Variants in MOSMO observed in about 807,000 individuals in gnomAD.
The protein encoded by MOSMO is modulator of smoothened protein.
A neutral mutation model predicts 18.4 loss-of-function variants in MOSMO; 5 were observed. That is an observed-to-expected ratio of 0.27 (90% CI 0.14 to 0.57). MOSMO has a LOEUF of 0.57. Among genes scored for constraint, MOSMO ranks in the 20% least tolerant of loss-of-function variants. MOSMO has a pLI of 0.92. For synonymous variants in MOSMO, 82 were observed against 82.3 expected (o/e 1.00, Z 0.02); for missense variants, 138 against 211.8 (o/e 0.65, Z 2.16).
At chr16:22,068,808 T>C (rs1038811770) in intron 1 of MOSMO, among the ~76,000 whole-genome samples, 4 of 152,238 alleles carry the variant, frequency 2.6e-5, no homozygotes, top group Non-Finnish European at 4.4e-5. Flanking sequence ...CTATTATGAA[T>C]AATACTGCTA....
chr16:22,030,970 G>A (rs1448111182), intron 1 of MOSMO, among the ~76,000 whole-genome samples: 1 of 152,204 alleles, frequency 6.6e-6, no homozygotes, highest in African/African-American at 2.4e-5. Flanking sequence ...ATAAGACCCA[G>A]TTTTAGTGGG....
chr16:22,065,784 G>A (rs946939690), intron 1 of MOSMO, among the ~76,000 whole-genome samples: 15 of 152,086 alleles, frequency 9.9e-5, no homozygotes, highest in Non-Finnish European at 2.1e-4. Context: ...AAGATTAACT[G>A]ACTTGCCCAA....
chr16:22,060,052 C>G (rs780551773), intron 1 of MOSMO, among the ~76,000 whole-genome samples: 2 of 152,194 alleles, frequency 1.3e-5, no homozygotes, highest in Non-Finnish European at 2.9e-5. Context: ...TGGCACATGT[C>G]TGTGGTCCCA....
intron 1 of MOSMO, among the ~76,000 whole-genome samples, chr16:22,032,056 TGAA>T (rs1900004359): frequency 6.6e-6 from 1 of 152,202 alleles, no homozygotes; most frequent in Non-Finnish European, 1.5e-5. Context: ...CTGTTGGGTA[TGAA>T]GTAGTTTCTC....
chr16:22,059,765 C>T (rs1362398315), intron 1 of MOSMO, among the ~76,000 whole-genome samples: 1 of 152,064 alleles, frequency 6.6e-6, no homozygotes, highest in Non-Finnish European at 1.5e-5. Context: ...TCTCTTTCAA[C>T]ATGTGGGGAT....
chr16:22,029,704 C>G (rs1899954864), intron 1 of MOSMO, among the ~76,000 whole-genome samples: 1 of 152,200 alleles, frequency 6.6e-6, no homozygotes, highest in African/African-American at 2.4e-5. Flanking sequence ...TAGCTCACCA[C>G]AGCCTTGACG....
At chr16:22,084,751 G>GT (rs927171804), downstream of MOSMO, 2 of 152,078 alleles carry the variant, frequency 1.3e-5, no homozygotes, top group South Asian at 2.1e-4. Context: ...TCTTGGGTTG[G>GT]TTTTTTGTTG....
chr16:22,016,419 T>G (rs1312400313), intron 1 of MOSMO, among the ~76,000 whole-genome samples: 1 of 152,230 alleles, frequency 6.6e-6, no homozygotes, highest in Non-Finnish European at 1.5e-5. Flanking sequence ...ATTTATTTAC[T>G]TATACCTGCC....
Position 22,081,679 on chromosome 16 carries a change from G to T in MOSMO, c.*799G>T, listed in dbSNP as rs1313116336. ...ATTTATATACACACACATGCAAACA[G>T]TTCCTGGAAGAGAATTCTGAATGCT... is the stretch of plus-strand genomic sequence containing the variant. On this transcript the variant is annotated 3_prime_UTR_variant, in exon 3 of 3. Coordinates refer to ENST00000542527, the MANE Select transcript of MOSMO (RefSeq NM_001164579.2). The T allele has an allele frequency of 2.0e-5, 3 of 151,002 alleles. No homozygotes were observed. Among genetic ancestry groups the T allele is most frequent in the Non-Finnish European group, 1.5e-5 (1 of 67,872 alleles). The allele number at this position is 151,002 out of a possible 1,614,324, so 9.4% of individuals were successfully genotyped here.
chr16:22,080,358 T>A (rs1463640984), intron 2 of MOSMO, among the ~76,000 whole-genome samples: 2 of 152,190 alleles, frequency 1.3e-5, no homozygotes, highest in Non-Finnish European at 2.9e-5. Context: ...AGAGCTGGAA[T>A]TGAGCCCCTA....
chr16:22,025,501 G>C (rs958245321), intron 1 of MOSMO, among the ~76,000 whole-genome samples: 2 of 152,154 alleles, frequency 1.3e-5, no homozygotes, highest in Non-Finnish European at 2.9e-5. Context: ...CTACTGTAAA[G>C]AAGAGTAGTC....
intron 2 of MOSMO, among the ~76,000 whole-genome samples, chr16:22,079,667 CCAGA>C (rs1313797211): frequency 6.6e-6 from 1 of 152,140 alleles, no homozygotes; most frequent in African/African-American, 2.4e-5. Context: ...TATTCAGAAA[CCAGA>C]CAGAGATTTT....
At chr16:22,010,761 A>G (rs1899508117) in intron 1 of MOSMO, among the ~76,000 whole-genome samples, 1 of 151,760 alleles carries the variant, frequency 6.6e-6, no homozygotes, top group African/African-American at 2.4e-5. Flanking sequence ...TCTACTAAAA[A>G]TACAAAGAAG....
At chr16:22,026,511 G>A (rs1156278948) in intron 1 of MOSMO, among the ~76,000 whole-genome samples, 2 of 152,080 alleles carry the variant, frequency 1.3e-5, no homozygotes, top group Admixed American at 6.6e-5. Context: ...GAGCCACCGC[G>A]CCCAGCCTGA....
chr16:22,029,167 G>T (rs564819158), intron 1 of MOSMO, among the ~76,000 whole-genome samples: 1 of 152,248 alleles, frequency 6.6e-6, no homozygotes, highest in South Asian at 2.1e-4. Flanking sequence ...ACCACGCCTG[G>T]CTATGTTTAT....
intron 1 of MOSMO, among the ~76,000 whole-genome samples, chr16:22,008,631 C>T (rs927184811): frequency 4.0e-5 from 6 of 151,360 alleles, no homozygotes; most frequent in African/African-American, 1.5e-4. Flanking sequence ...GCGCCCCAGG[C>T]CGGGTGAAAA....
chr16:22,066,409 T>C (rs1290355835), intron 1 of MOSMO, among the ~76,000 whole-genome samples: 1 of 152,148 alleles, frequency 6.6e-6, no homozygotes, highest in African/African-American at 2.4e-5. Flanking sequence ...CTCCAACTTA[T>C]TTCTGGGAAC....
chr16:22,039,633 A>C (rs1437673494), intron 1 of MOSMO, among the ~76,000 whole-genome samples: 1 of 152,200 alleles, frequency 6.6e-6, no homozygotes, highest in African/African-American at 2.4e-5. Flanking sequence ...GGAGTTCGAG[A>C]CCAGCCTGGC....
At chr16:22,076,580 A>T (rs1900973623) in intron 2 of MOSMO, among the ~76,000 whole-genome samples, 1 of 152,218 alleles carries the variant, frequency 6.6e-6, no homozygotes, top group African/African-American at 2.4e-5. Flanking sequence ...AACAATACCT[A>T]TGCAAATGAG....
Sources: allele counts gnomAD v4.1 joint callset (sites outside exome capture counted in the v4.1 genomes callset), GRCh38; gene constraint gnomAD v4.1.1; transcripts MANE v1.5; gene names NCBI Gene and HGNC (gene_info 2026-07-23, HGNC 2026-07-21).